The following OTUD7A variants were observed in gnomAD, a reference collection of about 807,000 sequenced individuals.
OTUD7A encodes the protein OTU domain-containing protein 7A.
A neutral mutation model predicts 65.7 loss-of-function variants in OTUD7A; 12 were observed. That is an observed-to-expected ratio of 0.18 (90% CI 0.12 to 0.30). The LOEUF is 0.30. Among genes scored for constraint, OTUD7A ranks in the 10% least tolerant of loss-of-function variants. The pLI, the probability that OTUD7A is intolerant of heterozygous loss-of-function variation, is 1.00. For synonymous variants in OTUD7A, 641 were observed against 586.3 expected (o/e 1.09, Z -1.35); for missense variants, 1,148 against 1,304.8 (o/e 0.88, Z 1.85).
At chr15:31,820,136 A>G (rs1008389427) in intron 1 of OTUD7A, among the ~76,000 whole-genome samples, 4 of 152,250 alleles carry the variant, frequency 2.6e-5, no homozygotes, top group Admixed American at 1.3e-4. Context: ...GCAACAATGG[A>G]AAGCTAATAA....
chr15:31,526,003 G>T (rs533764939), intron 8 of OTUD7A, among the ~76,000 whole-genome samples: 1 of 152,350 alleles, frequency 6.6e-6, no homozygotes, highest in African/African-American at 2.4e-5. Flanking sequence ...ACCATCACGT[G>T]TGACCTCCAG....
chr15:31,573,915 C>CA (rs200930744), intron 3 of OTUD7A, among the ~76,000 whole-genome samples: 13 of 151,038 alleles, frequency 8.6e-5, no homozygotes, highest in South Asian at 8.4e-4. Flanking sequence ...ATAACAACAA[C>CA]AAAAAAAACA....
At chr15:31,576,438 T>C (rs1282735604) in intron 3 of OTUD7A, among the ~76,000 whole-genome samples, 1 of 152,250 alleles carries the variant, frequency 6.6e-6, no homozygotes, top group African/African-American at 2.4e-5. Context: ...GTGTATTCAG[T>C]GAAAGGCTGA....
Position 31,767,330 on chromosome 15 carries a change from G to A in OTUD7A, c.-100+103177C>T, listed in dbSNP as rs768886549. On this transcript the variant is annotated intron_variant, in intron 1 of 12. Transcript: ENST00000307050. ...CAACCAAAATGTTCACAAGTAATTC[G>A]TAATATTCAAAAGTAAGTAGAGGTT... 798 of 782,970 alleles carry A rather than the reference G, an allele frequency of 1.0e-3. 12 individuals carry two copies. Among genetic ancestry groups the A allele is most frequent in the Middle Eastern group, 5.1e-4 (2 of 3,904 alleles). 48.5% of individuals were successfully genotyped at this position (782,970 alleles called of 1,614,324 possible).
At chr15:31,838,075 A>G (rs1897098524) in intron 1 of OTUD7A, among the ~76,000 whole-genome samples, 1 of 152,234 alleles carries the variant, frequency 6.6e-6, no homozygotes, top group Admixed American at 6.5e-5. Context: ...ATCCATAAGC[A>G]AAAAAGTGAA....
chr15:31,484,267 T>A lies in OTUD7A; in HGVS notation c.1829A>T (p.Lys610Met). ...GGCGTCGCCCCGCGGCCCACCGCCC[T>A]TCTCCGCCGGCGACGCGCCCGCTGC... is the stretch of plus-strand genomic sequence containing the variant. Reference protein sequence around the residue: ...DKAAGASPAEKGGGPRGDAWK... With the variant: ...DKAAGASPAEMGGGPRGDAWK... Residue 610 changes from lysine to methionine, a missense_variant, in exon 13 of 13, where the codon AAG becomes ATG. Physicochemically the swap from Lys to Met is moderately conservative, Grantham distance 95. This residue lies in a region of OTUD7A where 842 missense variants were observed against 769.5 expected (regional missense o/e 1.09). Transcript: ENST00000307050. The surrounding 1 kb of genome is among the most constrained non-coding windows in gnomAD (Gnocchi z 4.5). The A allele has an allele frequency of 6.3e-7, 1 of 1,594,764 alleles. No homozygotes were observed. The highest frequency in any genetic ancestry group is 2.3e-5 in the East Asian group (1 of 44,266).
intron 1 of OTUD7A, among the ~76,000 whole-genome samples, chr15:31,657,761 G>A (rs879723592): frequency 2.0e-5 from 3 of 152,034 alleles, no homozygotes; most frequent in African/African-American, 2.4e-5. Context: ...GGGGACATTT[G>A]ACCCCAGCTA....
chr15:31,497,134 G>A (rs886311960), intron 10 of OTUD7A, among the ~76,000 whole-genome samples: 11 of 152,180 alleles, frequency 7.2e-5, no homozygotes, highest in African/African-American at 2.7e-4. Flanking sequence ...TTGGGGGAAG[G>A]CACTGAGGAC....
intron 1 of OTUD7A, among the ~76,000 whole-genome samples, chr15:31,857,725 T>G (rs922445903): frequency 3.9e-5 from 6 of 152,248 alleles, no homozygotes; most frequent in African/African-American, 1.4e-4. Context: ...CTTGCTCTGC[T>G]ATCCTGGGCA....
chr15:31,483,772 C>G lies in OTUD7A; in HGVS notation c.2324G>C (p.Arg775Pro). The G allele has an allele frequency of 9.4e-7, 1 of 1,064,308 alleles. No individual in the cohort carries two copies. 65.9% of individuals were successfully genotyped at this position (1,064,308 alleles called of 1,614,324 possible). A position where few individuals can be genotyped will look rare whatever the true frequency, so the allele number is the denominator to read the frequency against. Residue 775 changes from arginine (R) to proline (P), a missense_variant, in exon 13 of 13, where the codon CGC becomes CCC. Coordinates refer to ENST00000307050, the MANE Select transcript of OTUD7A (RefSeq NM_001382637.1). Reference protein sequence around the residue: ...VPGRSPPAPARQSVIHVQASG... With the variant: ...VPGRSPPAPAPQSVIHVQASG... ...CGCCTGCACGTGGATGACGCTCTGG[C>G]GCGCTGGCGCCGGGGGGCTGCGGCC...
At chr15:31,530,862 G>C (rs371046737) in intron 5 of OTUD7A, 54 bp from the exon 6 acceptor site, 9 of 1,488,168 alleles carry the variant, frequency 6.0e-6, no homozygotes, top group East Asian at 2.3e-5. Flanking sequence ...GGGGCCACTG[G>C]GGGTGTTTGC....
intron 3 of OTUD7A, among the ~76,000 whole-genome samples, chr15:31,612,012 A>C (rs1890439111): frequency 1.3e-5 from 2 of 152,280 alleles, no homozygotes; most frequent in Admixed American, 1.3e-4. Context: ...AAGTTGATAA[A>C]TGTGATACAC....
intron 5 of OTUD7A, among the ~76,000 whole-genome samples, chr15:31,537,637 A>T (rs1887849111): frequency 6.6e-6 from 1 of 152,246 alleles, no homozygotes; most frequent in Non-Finnish European, 1.5e-5. Context: ...TATAACAACC[A>T]GGCTGGGATA....
At chr15:31,847,923 G>A (rs914048222) in intron 1 of OTUD7A, among the ~76,000 whole-genome samples, 6 of 152,116 alleles carry the variant, frequency 3.9e-5, no homozygotes, top group Middle Eastern at 3.2e-3. Flanking sequence ...ATCAGATCTC[G>A]TGAGAACCCA....
At chr15:31,817,931 A>T (rs1364523539) in intron 1 of OTUD7A, among the ~76,000 whole-genome samples, 1 of 152,246 alleles carries the variant, frequency 6.6e-6, no homozygotes, top group Non-Finnish European at 1.5e-5. Flanking sequence ...TGATTAAGTC[A>T]TGAGGGCCTC....
intron 1 of OTUD7A, among the ~76,000 whole-genome samples, chr15:31,775,688 G>A (rs976017310): frequency 1.3e-5 from 2 of 152,296 alleles, no homozygotes; most frequent in East Asian, 3.9e-4. Flanking sequence ...TCTACTAAAT[G>A]GGCTTGTAGT....
At position 31,501,843 on chromosome 15, in the gene OTUD7A, T is replaced by C; in HGVS notation, c.1022-4A>G. On this transcript the variant is annotated splice_polypyrimidine_tract_variant and splice_region_variant and intron_variant, in intron 9 of 12. Coordinates refer to ENST00000307050, the MANE Select transcript of OTUD7A (RefSeq NM_001382637.1). ...CCGAATGGGATGGGTGCGAACGCTG[T>C]GGACACAAACCAGGGTGAGGGTGTG... is the stretch of plus-strand genomic sequence containing the variant. 1 of 1,606,310 alleles carries C rather than the reference T, an allele frequency of 6.2e-7. No individual in the cohort carries two copies. Among genetic ancestry groups the C allele is most frequent in the South Asian group, 1.1e-5 (1 of 90,180 alleles).
chr15:31,631,513 C>A (rs575850697), intron 3 of OTUD7A, among the ~76,000 whole-genome samples: 1 of 152,134 alleles, frequency 6.6e-6, no homozygotes, highest in Non-Finnish European at 1.5e-5. Context: ...TCTCTGTCTG[C>A]GCTTAACATT....
intron 1 of OTUD7A, among the ~76,000 whole-genome samples, chr15:31,683,764 C>T (rs1368698964): frequency 5.9e-5 from 9 of 152,054 alleles, no homozygotes; most frequent in Middle Eastern, 3.4e-3. Flanking sequence ...CTAACAAAAC[C>T]GTCTGGAGTT....
Sources: allele counts gnomAD v4.1 joint callset (sites outside exome capture counted in the v4.1 genomes callset), GRCh38; gene constraint gnomAD v4.1.1; regional missense constraint gnomAD v4.1.1; non-coding constraint Gnocchi (gnomAD v3.1); transcripts MANE v1.5; gene names NCBI Gene and HGNC (gene_info 2026-07-23, HGNC 2026-07-21).